The following CCDC102B variants were observed in gnomAD, a reference collection of about 807,000 sequenced individuals.
The protein encoded by CCDC102B is coiled-coil domain containing 102B, also known as coiled-coil domain-containing protein 102B.
CCDC102B carries 75 observed loss-of-function variants against 57.4 expected under a neutral mutation model. The ratio of observed to expected loss-of-function variants is 1.31; its 90% confidence interval spans 1.08 to 1.58. The LOEUF (loss-of-function observed/expected upper bound fraction) is 1.58. Ranked by LOEUF, CCDC102B falls within the 40% of genes most tolerant of loss-of-function variation. The probability of loss-of-function intolerance (pLI) is 0.00; values close to 1 mark genes in which losing one functional copy is unlikely to be tolerated. For synonymous variants in CCDC102B, 206 were observed against 201.9 expected (o/e 1.02, Z -0.17); for missense variants, 636 against 582.6 (o/e 1.09, Z -0.94).
intron 2 of CCDC102B, among the ~76,000 whole-genome samples, chr18:68,728,520 C>T (rs1417623986): frequency 6.6e-6 from 1 of 152,176 alleles, no homozygotes; most frequent in Non-Finnish European, 1.5e-5. Flanking sequence ...GATTATGTTG[C>T]AACTGTGCTC....
At chr18:68,729,286 C>T (rs2032753034) in intron 2 of CCDC102B, among the ~76,000 whole-genome samples, 1 of 152,064 alleles carries the variant, frequency 6.6e-6, no homozygotes, top group African/African-American at 2.4e-5. Flanking sequence ...GATTATCTAT[C>T]GATTCAATGA....
intron 4 of CCDC102B, chr18:68,858,995 C>G (rs1477479106): frequency 2.0e-5 from 3 of 152,346 alleles, no homozygotes; most frequent in Non-Finnish European, 4.4e-5. Context: ...TAGCATGGCC[C>G]TTGCGCAAGG....
chr18:69,002,750 A>T (rs149214222), intron 6 of CCDC102B, among the ~76,000 whole-genome samples: 2 of 152,112 alleles, frequency 1.3e-5, no homozygotes, highest in Non-Finnish European at 2.9e-5. Context: ...TATTTTTAGA[A>T]ACGACGTATA....
chr18:68,824,711 A>G (rs607741), intron 1 of CCDC102B, among the ~76,000 whole-genome samples: 47,099 of 152,172 alleles, frequency 0.31, 8,104 homozygotes, highest in Non-Finnish European at 0.4. Flanking sequence ...TTATTTGAAT[A>G]GTACAGAATA....
intron 7 of CCDC102B, among the ~76,000 whole-genome samples, chr18:69,022,901 G>T (rs1279006467): frequency 6.6e-6 from 1 of 151,692 alleles, no homozygotes; most frequent in African/African-American, 2.4e-5. Context: ...TGTTGTCTTT[G>T]AGGGTGAGAG....
chr18:68,945,020 T>G (rs1038609267), intron 6 of CCDC102B, among the ~76,000 whole-genome samples: 3 of 151,808 alleles, frequency 2.0e-5, no homozygotes. Context: ...GCAAATAGTG[T>G]GACATGCTAC....
At chr18:68,862,433 T>G (rs756772760) in intron 4 of CCDC102B, among the ~76,000 whole-genome samples, 2 of 152,162 alleles carry the variant, frequency 1.3e-5, no homozygotes, top group Admixed American at 1.3e-4. Context: ...AAAAACCATT[T>G]GAATCATTTA....
At chr18:68,909,498 T>G (rs1299539814) in intron 6 of CCDC102B, among the ~76,000 whole-genome samples, 4 of 152,292 alleles carry the variant, frequency 2.6e-5, no homozygotes, top group South Asian at 4.1e-4. Context: ...ATTCACAAAG[T>G]AAAAGCATGC....
At chr18:68,853,868 G>A (rs1599569640) in intron 4 of CCDC102B, among the ~76,000 whole-genome samples, 1 of 151,846 alleles carries the variant, frequency 6.6e-6, no homozygotes, top group South Asian at 2.1e-4. Flanking sequence ...TTCAGCACAC[G>A]TGTGATCATA....
chr18:69,046,938 C>T (rs1183733766), intron 7 of CCDC102B, among the ~76,000 whole-genome samples: 1 of 152,080 alleles, frequency 6.6e-6, no homozygotes, highest in African/African-American at 2.4e-5. Context: ...GATCTCTATT[C>T]TGTTTCATTG....
chr18:68,986,722 C>A (rs2050735076), intron 6 of CCDC102B, among the ~76,000 whole-genome samples: 1 of 151,662 alleles, frequency 6.6e-6, no homozygotes, highest in Non-Finnish European at 1.5e-5. Flanking sequence ...AAAAAAAAAA[C>A]TTCAAGTTTC....
At chr18:68,854,639 T>C (rs182438942) in intron 4 of CCDC102B, among the ~76,000 whole-genome samples, 1 of 152,250 alleles carries the variant, frequency 6.6e-6, no homozygotes, top group African/African-American at 2.4e-5. Flanking sequence ...TTATAGGGTG[T>C]AATCACCCTG....
intron 2 of CCDC102B, among the ~76,000 whole-genome samples, chr18:68,781,746 A>G (rs1265726299): frequency 1.3e-5 from 2 of 152,204 alleles, no homozygotes; most frequent in African/African-American, 4.8e-5. Flanking sequence ...TTTGGCTTGT[A>G]TAATGATTTG....
At chr18:68,841,873 C>CA (rs1285993562) in intron 3 of CCDC102B, among the ~76,000 whole-genome samples, 1 of 152,080 alleles carries the variant, frequency 6.6e-6, no homozygotes. Flanking sequence ...GCTGGAATTA[C>CA]AGGCTGTGCC....
chr18:68,866,080 T>G (rs760886786), intron 4 of CCDC102B, among the ~76,000 whole-genome samples: 24 of 152,340 alleles, frequency 1.6e-4, no homozygotes, highest in South Asian at 2.1e-4. Flanking sequence ...AGTTCATCTA[T>G]CTCATTAAGA....
upstream of CCDC102B, among the ~76,000 whole-genome samples, chr18:68,794,090 T>C (rs773280024): frequency 1.3e-4 from 20 of 152,170 alleles, no homozygotes; most frequent in Non-Finnish European, 1.3e-4. Context: ...AATAAGGACA[T>C]AGGAGAAACC....
At chr18:68,830,120 C>A (rs2037083683) in intron 1 of CCDC102B, among the ~76,000 whole-genome samples, 1 of 151,834 alleles carries the variant, frequency 6.6e-6, no homozygotes, top group African/African-American at 2.4e-5. Context: ...AACATTTTAG[C>A]ATTTCCGGAA....
intron 7 of CCDC102B, among the ~76,000 whole-genome samples, chr18:69,022,425 CA>C (rs1392757599): frequency 1.3e-5 from 2 of 151,706 alleles, no homozygotes; most frequent in African/African-American, 4.8e-5. Context: ...ACTTCTCATT[CA>C]GTTGTATTGC....
intron 5 of CCDC102B, among the ~76,000 whole-genome samples, chr18:68,879,295 G>A (rs920086301): frequency 6.6e-6 from 1 of 152,192 alleles, no homozygotes; most frequent in Non-Finnish European, 1.5e-5. Flanking sequence ...TAAAAGCAGT[G>A]TAGACCCAAA....
Sources: allele counts gnomAD v4.1 joint callset (sites outside exome capture counted in the v4.1 genomes callset), GRCh38; gene constraint gnomAD v4.1.1; transcripts MANE v1.5; gene names NCBI Gene and HGNC (gene_info 2026-07-23, HGNC 2026-07-21).